EYS: variants seen among roughly 807,000 people sequenced by gnomAD.
EYS encodes the protein EGF-like photoreceptor maintenance factor.
In EYS, 250 loss-of-function variants were observed where a neutral mutation model predicts 282.1. That is an observed-to-expected ratio of 0.89 (90% CI 0.80 to 0.98). The LOEUF (loss-of-function observed/expected upper bound fraction) is 0.98, where lower values mean the gene tolerates loss of function less well. Ranked by LOEUF, EYS falls within the 50% of genes least tolerant of loss-of-function variation. The pLI is 0.00. For synonymous variants in EYS, 1,355 were observed against 1,282.9 expected, an observed-to-expected ratio of 1.06 and a Z score of -1.20; for missense variants, 4,016 against 3,709.0, an observed-to-expected ratio of 1.08 and a Z score of -2.15.
At chr6:65,005,915 A>T (rs1291309427) in intron 13 of EYS, among the ~76,000 whole-genome samples, 1 of 152,170 alleles carries the variant, frequency 6.6e-6, no homozygotes, top group Non-Finnish European at 1.5e-5. Context: ...CTTTTTTGAA[A>T]GTGTAGCCCC....
intron 26 of EYS, among the ~76,000 whole-genome samples, chr6:64,557,546 A>G (rs1323246503): frequency 6.6e-6 from 1 of 151,924 alleles, no homozygotes; most frequent in Non-Finnish European, 1.5e-5. Flanking sequence ...ATAATGTTGT[A>G]TGGTCTAGTC....
intron 2 of EYS, among the ~76,000 whole-genome samples, chr6:65,618,369 T>C (rs1178127422): frequency 3.9e-5 from 6 of 152,280 alleles, no homozygotes; most frequent in Non-Finnish European, 8.8e-5. Flanking sequence ...AAGTGTCTGT[T>C]CATGTCCTTC....
intron 28 of EYS, among the ~76,000 whole-genome samples, chr6:64,430,591 T>G (rs1385280198): frequency 6.6e-6 from 1 of 152,222 alleles, no homozygotes; most frequent in African/African-American, 2.4e-5. Context: ...ACTGATTTTT[T>G]GCTTTTATCC....
intron 13 of EYS, among the ~76,000 whole-genome samples, chr6:65,050,773 C>T (rs905431481): frequency 2.6e-5 from 4 of 151,562 alleles, no homozygotes; most frequent in African/African-American, 9.7e-5. Context: ...ATCTGCACTC[C>T]AGTCTTTTTC....
At chr6:65,385,760 T>C (rs1765775119) in intron 7 of EYS, among the ~76,000 whole-genome samples, 1 of 151,972 alleles carries the variant, frequency 6.6e-6, no homozygotes, top group African/African-American at 2.4e-5. Context: ...TTATGTATTT[T>C]ACTCTACTAC....
chr6:65,108,288 A>T (rs1775103446), intron 12 of EYS, among the ~76,000 whole-genome samples: 1 of 138,258 alleles, frequency 7.2e-6, no homozygotes, highest in Non-Finnish European at 1.6e-5. Context: ...GGTTGACTTT[A>T]AAAAAATTAC....
At chr6:65,131,010 A>C (rs972331073) in intron 12 of EYS, among the ~76,000 whole-genome samples, 1 of 151,648 alleles carries the variant, frequency 6.6e-6, no homozygotes, top group Admixed American at 6.6e-5. Flanking sequence ...TTATTTCTTA[A>C]GTTTTTATAA....
Position 65,444,996 on chromosome 6 carries a change from G to T in EYS, c.863-39629C>A, listed in dbSNP as rs190923602. Among the ~76,000 whole-genome samples the T allele has an allele frequency of 2.0e-5, 3 of 151,540 alleles. No individual in the cohort carries two copies. The Admixed American group carries it at 2.0e-4, about 10-fold the overall frequency. On this transcript the variant is annotated intron_variant, in intron 5 of 42. Transcript: ENST00000503581. Reference sequence around the variant, plus strand: ...TTAACATCCAAATACTTTATGCATAGCATTTGTTTCTCGATTAATCTGACA... The same window carrying T: ...TTAACATCCAAATACTTTATGCATATCATTTGTTTCTCGATTAATCTGACA...
chr6:63,935,682 C>T (rs1472249972), intron 35 of EYS, among the ~76,000 whole-genome samples: 4 of 152,156 alleles, frequency 2.6e-5, no homozygotes, highest in African/African-American at 9.7e-5. Context: ...TCTGCAAACC[C>T]TTGGTATTGG....
chr6:65,092,435 A>G (rs1156737567), intron 12 of EYS, among the ~76,000 whole-genome samples: 1 of 152,206 alleles, frequency 6.6e-6, no homozygotes, highest in Non-Finnish European at 1.5e-5. Context: ...GTGTTATAAC[A>G]TGAATTATCA....
chr6:63,736,573 C>T (rs1409651230), intron 41 of EYS, among the ~76,000 whole-genome samples: 6 of 152,218 alleles, frequency 3.9e-5, no homozygotes, highest in East Asian at 1.9e-4. Context: ...GATGCGGGCT[C>T]TTTTTTGGTT....
chr6:65,026,974 T>C (rs1042730843), intron 13 of EYS, among the ~76,000 whole-genome samples: 2 of 150,806 alleles, frequency 1.3e-5, no homozygotes, highest in African/African-American at 4.9e-5. Context: ...AGTCACCACA[T>C]GATTTGTTCT....
At chr6:65,529,394 C>A (rs1197429925) in intron 2 of EYS, among the ~76,000 whole-genome samples, 1 of 152,132 alleles carries the variant, frequency 6.6e-6, no homozygotes, top group Non-Finnish European at 1.5e-5. Context: ...GAAGAAAGAT[C>A]TGGCTTCCCA....
intron 31 of EYS, among the ~76,000 whole-genome samples, chr6:64,090,748 TCTTC>T (rs2150251330): frequency 6.6e-6 from 1 of 152,234 alleles, no homozygotes; most frequent in Admixed American, 6.5e-5. Context: ...CATCCAAACT[TCTTC>T]CTTTGTTCCT....
chr6:64,785,020 G>T (rs1773974367), intron 22 of EYS, among the ~76,000 whole-genome samples: 1 of 152,028 alleles, frequency 6.6e-6, no homozygotes, highest in Non-Finnish European at 1.5e-5. Context: ...CAGTGACTTG[G>T]GAGACTGAGC....
At chr6:63,894,868 T>A (rs1308084163) in intron 35 of EYS, among the ~76,000 whole-genome samples, 1 of 152,174 alleles carries the variant, frequency 6.6e-6, no homozygotes, top group African/African-American at 2.4e-5. Context: ...ATTACAGGCC[T>A]TAGCCACTGC....
intron 35 of EYS, among the ~76,000 whole-genome samples, chr6:63,876,074 T>A (rs1772961382): frequency 6.6e-6 from 1 of 152,220 alleles, no homozygotes; most frequent in South Asian, 2.1e-4. Context: ...AGGGTGTCAA[T>A]TTTAGATCTT....
chr6:65,613,805 TATATGTTTTC>T (rs1766087319), intron 2 of EYS, among the ~76,000 whole-genome samples: 1 of 151,950 alleles, frequency 6.6e-6, no homozygotes, highest in Non-Finnish European at 1.5e-5. Context: ...CTTCACATAA[TATATGTTTTC>T]ATTTGTAATA....
intron 12 of EYS, among the ~76,000 whole-genome samples, chr6:65,198,856 G>A (rs928515879): frequency 1.3e-5 from 2 of 152,084 alleles, no homozygotes; most frequent in Non-Finnish European, 2.9e-5. Flanking sequence ...TGGCAGCAGA[G>A]ACATTAGGAC....
Sources: allele counts gnomAD v4.1 joint callset (sites outside exome capture counted in the v4.1 genomes callset), GRCh38; gene constraint gnomAD v4.1.1; transcripts MANE v1.5; gene names NCBI Gene and HGNC (gene_info 2026-07-23, HGNC 2026-07-21).